The following RPH3A variants were observed in gnomAD, a reference collection of about 807,000 sequenced individuals.
RPH3A encodes the protein rabphilin 3A, also known as rabphilin-3A.
Under a neutral mutation model 102.2 loss-of-function variants are expected in RPH3A, and 48 were observed. That is an observed-to-expected ratio of 0.47 (90% CI 0.37 to 0.60). The LOEUF is 0.60. RPH3A is among the 20% of genes least tolerant of loss of function. The probability of loss-of-function intolerance (pLI) is 0.00; values close to 1 mark genes in which losing one functional copy is unlikely to be tolerated. For missense variants in RPH3A, 781 were observed against 910.1 expected, an observed-to-expected ratio of 0.86 and a Z score of 1.83; for synonymous variants, 310 against 324.3, an observed-to-expected ratio of 0.96 and a Z score of 0.47.
At chr12:112,707,980 G>A (rs540223231) in intron 1 of RPH3A, among the ~76,000 whole-genome samples, 1 of 152,238 alleles carries the variant, frequency 6.6e-6, no homozygotes, top group Non-Finnish European at 1.5e-5. Context: ...AGTGGGCCAA[G>A]GTGTTGATTG....
intron 1 of RPH3A, among the ~76,000 whole-genome samples, chr12:112,612,328 T>G (rs1422205531): frequency 3.3e-5 from 5 of 152,140 alleles, no homozygotes. Context: ...TGAGGTTAAG[T>G]GTAGTTACTC....
intron 19 of RPH3A, among the ~76,000 whole-genome samples, chr12:112,892,663 C>A (rs773841052): frequency 2.0e-5 from 3 of 152,212 alleles, no homozygotes; most frequent in Non-Finnish European, 4.4e-5. Flanking sequence ...TTACCCCCTG[C>A]AACTGGAGAA....
chr12:112,584,841 G>A (rs1261714431), intron 1 of RPH3A, among the ~76,000 whole-genome samples: 1 of 152,134 alleles, frequency 6.6e-6, no homozygotes, highest in Non-Finnish European at 1.5e-5. Flanking sequence ...TAGAGGGACA[G>A]GATTAATAGG....
chr12:112,759,189 TAA>T (rs1425248594), intron 1 of RPH3A, among the ~76,000 whole-genome samples: 3 of 152,236 alleles, frequency 2.0e-5, no homozygotes, highest in Non-Finnish European at 2.9e-5. Flanking sequence ...GTGTAAAAAA[TAA>T]GTCTTGAATC....
chr12:112,734,642 C>T (rs1402678448), intron 1 of RPH3A, among the ~76,000 whole-genome samples: 1 of 152,164 alleles, frequency 6.6e-6, no homozygotes, highest in African/African-American at 2.4e-5. Flanking sequence ...ATATTTATTT[C>T]TTGATCATAT....
chr12:112,763,561 C>T (rs774683197), intron 1 of RPH3A, among the ~76,000 whole-genome samples: 2 of 152,142 alleles, frequency 1.3e-5, no homozygotes, highest in Non-Finnish European at 2.9e-5. Flanking sequence ...GACCTGGAAT[C>T]AATAGAAAGA....
At chr12:112,732,998 G>C (rs2040644761) in intron 1 of RPH3A, among the ~76,000 whole-genome samples, 1 of 152,138 alleles carries the variant, frequency 6.6e-6, no homozygotes, top group African/African-American at 2.4e-5. Context: ...TATCAATTTA[G>C]TCATTCATTT....
At chr12:112,677,252 A>G (rs1418199613) in intron 1 of RPH3A, among the ~76,000 whole-genome samples, 1 of 152,108 alleles carries the variant, frequency 6.6e-6, no homozygotes, top group African/African-American at 2.4e-5. Context: ...AATGGTGAAA[A>G]CAAAAATAAA....
At chr12:112,741,351 T>C (rs903144475) in intron 1 of RPH3A, among the ~76,000 whole-genome samples, 1 of 152,194 alleles carries the variant, frequency 6.6e-6, no homozygotes, top group African/African-American at 2.4e-5. Context: ...GCTTCTCTCA[T>C]TTTGGATTGC....
intron 1 of RPH3A, among the ~76,000 whole-genome samples, chr12:112,576,238 G>A (rs771852465): frequency 6.6e-6 from 1 of 152,210 alleles, no homozygotes; most frequent in African/African-American, 2.4e-5. Context: ...TCTTAACCAC[G>A]CTGCTGTGCT....
chr12:112,683,713 C>T (rs763962231), intron 1 of RPH3A, among the ~76,000 whole-genome samples: 1 of 152,134 alleles, frequency 6.6e-6, no homozygotes, highest in Non-Finnish European at 1.5e-5. Context: ...CTGATTCCCA[C>T]ACCTCTTTTG....
intron 1 of RPH3A, among the ~76,000 whole-genome samples, chr12:112,699,647 A>G (rs1032667909): frequency 7.9e-5 from 12 of 152,180 alleles, no homozygotes; most frequent in African/African-American, 2.7e-4. Flanking sequence ...ACAGTAAAGA[A>G]CTTGTGGGGA....
chr12:112,823,458 A>T (rs147001637), intron 2 of RPH3A, among the ~76,000 whole-genome samples: 1 of 152,344 alleles, frequency 6.6e-6, no homozygotes, highest in East Asian at 1.9e-4. Context: ...GGTGCATAGC[A>T]GGTGCTCAGA....
intron 1 of RPH3A, among the ~76,000 whole-genome samples, chr12:112,748,994 T>A (rs2040767263): frequency 6.6e-6 from 1 of 152,200 alleles, no homozygotes; most frequent in African/African-American, 2.4e-5. Flanking sequence ...AACACTGGGA[T>A]CCTTGAGGAT....
intron 1 of RPH3A, among the ~76,000 whole-genome samples, chr12:112,706,069 A>G (rs1203759386): frequency 2.0e-5 from 3 of 152,232 alleles, no homozygotes; most frequent in Admixed American, 2.0e-4. Flanking sequence ...TATGAAAGAC[A>G]AGTATAGGAT....
chr12:112,693,426 T>C (rs2040322367), intron 1 of RPH3A, among the ~76,000 whole-genome samples: 2 of 152,242 alleles, frequency 1.3e-5, no homozygotes, highest in African/African-American at 4.8e-5. Flanking sequence ...ACCTTTCTGA[T>C]GCCATTACTT....
intron 1 of RPH3A, among the ~76,000 whole-genome samples, chr12:112,627,955 G>C (rs1475696742): frequency 2.0e-5 from 3 of 148,120 alleles, no homozygotes; most frequent in Non-Finnish European, 3.0e-5. Flanking sequence ...AAGAAGGAAT[G>C]TCTTATGTGG....
intron 1 of RPH3A, among the ~76,000 whole-genome samples, chr12:112,630,263 A>G (rs1331710899): frequency 6.6e-6 from 1 of 151,912 alleles, no homozygotes; most frequent in African/African-American, 2.4e-5. Flanking sequence ...TATCTTATCA[A>G]CTCCTTGAAA....
intron 5 of RPH3A, among the ~76,000 whole-genome samples, chr12:112,854,011 T>C (rs1329516096): frequency 3.3e-5 from 5 of 152,218 alleles, no homozygotes; most frequent in Admixed American, 2.6e-4. Context: ...TGACCTCATC[T>C]GTAAAATGGG....
Sources: allele counts gnomAD v4.1 joint callset (sites outside exome capture counted in the v4.1 genomes callset), GRCh38; gene constraint gnomAD v4.1.1; transcripts MANE v1.5; gene names NCBI Gene and HGNC (gene_info 2026-07-23, HGNC 2026-07-21).